UBASH3A: variants seen among roughly 807,000 people sequenced by gnomAD.
UBASH3A encodes the protein ubiquitin associated and SH3 domain containing A, also known as ubiquitin-associated and SH3 domain-containing protein A.
A neutral mutation model predicts 73.5 loss-of-function variants in UBASH3A; 63 were observed. That is an observed-to-expected ratio of 0.86 (90% CI 0.70 to 1.06). UBASH3A has a LOEUF of 1.06. Among genes scored for constraint, UBASH3A ranks in the 50% least tolerant of loss-of-function variants. UBASH3A has a pLI of 0.00. For missense variants in UBASH3A, 860 were observed against 859.0 expected (o/e 1.00, Z -0.02); for synonymous variants, 363 against 351.1 (o/e 1.03, Z -0.38).
At chr21:42,420,546 C>T (rs1480428171) in intron 7 of UBASH3A, among the ~76,000 whole-genome samples, 1 of 152,120 alleles carries the variant, frequency 6.6e-6, no homozygotes, top group Non-Finnish European at 1.5e-5. Flanking sequence ...TGTATACACA[C>T]ATCTATATTG....
chr21:42,429,762 G>C (rs959854474), intron 8 of UBASH3A, among the ~76,000 whole-genome samples: 1 of 152,180 alleles, frequency 6.6e-6, no homozygotes, highest in African/African-American at 2.4e-5. Flanking sequence ...CTGTTCCCCA[G>C]GAGATGCATG....
intron 7 of UBASH3A, among the ~76,000 whole-genome samples, chr21:42,424,386 G>A (rs1270454556): frequency 6.6e-6 from 1 of 152,210 alleles, no homozygotes; most frequent in East Asian, 1.9e-4. Flanking sequence ...GCCAGACGGT[G>A]CAGGGATTCT....
At chr21:42,429,166 G>C (rs2053488718) in intron 8 of UBASH3A, among the ~76,000 whole-genome samples, 1 of 152,212 alleles carries the variant, frequency 6.6e-6, no homozygotes, top group African/African-American at 2.4e-5. Flanking sequence ...GGGCCACCAG[G>C]AGCTGGAAGA....
rs754686036 is a variant in UBASH3A, at chr21:42,413,934, C to T, written c.667+411C>T. Among the ~76,000 whole-genome samples, 12 of 152,244 alleles carry T rather than the reference C, an allele frequency of 7.9e-5. No homozygotes were observed. Among genetic ancestry groups the T allele is most frequent in the Non-Finnish European group, 1.6e-4 (11 of 68,050 alleles). On this transcript the variant is annotated intron_variant, in intron 5 of 14. Transcript: ENST00000319294. This position sits in a 1 kb window ranked among gnomAD's most constrained non-coding sequence, Gnocchi z 4.5. Reference sequence around the variant, plus strand: ...GGGGTTTAGTGGAAAGGATTGTGGACTTGACGTCAGAAGATGTGATTTTTT... The same window carrying T: ...GGGGTTTAGTGGAAAGGATTGTGGATTTGACGTCAGAAGATGTGATTTTTT...
chr21:42,424,085 C>A (rs2053391990), intron 7 of UBASH3A, among the ~76,000 whole-genome samples: 1 of 152,146 alleles, frequency 6.6e-6, no homozygotes, highest in Admixed American at 6.5e-5. Context: ...TGGGGTCAGA[C>A]AGCAATGTCC....
At chr21:42,430,776 C>T (rs983390322) in intron 8 of UBASH3A, among the ~76,000 whole-genome samples, 3 of 152,216 alleles carry the variant, frequency 2.0e-5, no homozygotes, top group Non-Finnish European at 4.4e-5. Context: ...CTTCATGGAC[C>T]AGCATGTGAC....
chr21:42,413,060 C>T lies in UBASH3A; in HGVS notation c.391C>T (p.Leu131=). The change falls in exon 4 of 15, where the codon CTG becomes TTG. Residue 131 remains leucine, a synonymous_variant. Transcript: ENST00000319294. This position sits in a 1 kb window ranked among gnomAD's most constrained non-coding sequence, Gnocchi z 4.5. The stretch of plus-strand genomic sequence containing the variant: ...GAAGGTGGAATGCCTGTACGAGGCG[C>T]TGAAGAGAGCTGGAGACAGGCTCCT... ...DQKVECLYEA[L]KRAGDRLLGS... is the part of the protein sequence containing the mutation. 4 of 1,614,248 alleles carry T rather than the reference C, an allele frequency of 2.5e-6. No homozygotes were observed. Among genetic ancestry groups the T allele is most frequent in the Non-Finnish European group, 3.4e-6 (4 of 1,180,050 alleles).
In UBASH3A at chr21:42,403,951, A is replaced by T. The variant is rs2052912051; in HGVS notation, c.6A>T (p.Ala2=). The change falls in exon 1 of 15, where the codon GCA becomes GCT. Residue 2 remains alanine (A), a synonymous_variant. Coordinates refer to ENST00000319294, the MANE Select transcript of UBASH3A (RefSeq NM_018961.4). The stretch of plus-strand genomic sequence containing the variant: ...TGGCCTAAGGGCAGGAAGAGATGGC[A>T]GCGGGGGAGACGCAGCTCTACGCCA... The part of the protein sequence containing the change: M[A]AGETQLYAKV... 1.3e-6 allele frequency: 2 copies of T among 1,506,956 alleles called. No individual in the cohort carries two copies. Among genetic ancestry groups the T allele is most frequent in the Admixed American group, 2.1e-5 (1 of 47,814 alleles). 93.3% of individuals were successfully genotyped at this position (1,506,956 alleles called of 1,614,324 possible). A position where few individuals can be genotyped will look rare whatever the true frequency, so the allele number is the denominator to read the frequency against.
intron 3 of UBASH3A, chr21:42,410,371 T>C (rs1329989535): frequency 5.3e-6 from 3 of 570,400 alleles, no homozygotes; most frequent in Non-Finnish European, 9.3e-6. Flanking sequence ...ACTGATTTGT[T>C]CCACCCATTT....
chr21:42,434,735 C>T lies in UBASH3A; in HGVS notation c.1271-97C>T. The stretch of plus-strand genomic sequence containing the variant: ...CAGTTGACAATAATTTCAATAATAA[C>T]ATTGCTGTTAGAGTGGGTCTTGGTC... On this transcript the variant is annotated intron_variant, in intron 9 of 14. Transcript: ENST00000319294. 3.8e-6 allele frequency: 5 copies of T among 1,315,676 alleles called. 1 individual carries two copies. The highest frequency in any genetic ancestry group is 2.9e-5 in the South Asian group (2 of 69,268). The allele number at this position is 1,315,676 out of a possible 1,614,324, so 81.5% of individuals were successfully genotyped here.
At chr21:42,436,776 C>CA (rs754321490) in intron 10 of UBASH3A, among the ~76,000 whole-genome samples, 35 of 152,146 alleles carry the variant, frequency 2.3e-4, no homozygotes, top group Non-Finnish European at 4.3e-4. Context: ...TCCAGTATCA[C>CA]AGGGGGAAAG....
chr21:42,421,155 G>A (rs552618680), intron 7 of UBASH3A, among the ~76,000 whole-genome samples: 1 of 152,268 alleles, frequency 6.6e-6, no homozygotes, highest in Admixed American at 6.5e-5. Context: ...AGTGGAGAGA[G>A]CAGGCAGAGG....
rs370841920 is a variant in UBASH3A at position 42,447,614 on chromosome 21, A to T, written c.*420A>T. 4 of 156,604 alleles carry T rather than the reference A, an allele frequency of 2.6e-5. No individual in the cohort carries two copies. Among genetic ancestry groups the T allele is most frequent in the Admixed American group, 1.9e-4 (3 of 15,520 alleles). 9.7% of individuals were successfully genotyped at this position (156,604 alleles called of 1,614,324 possible). ...TTTCTGGGTCCATCACTCTTTAGCC[A>T]TATCCACATGGGCTAAAACAGGTGT... is the stretch of plus-strand genomic sequence containing the variant. On this transcript the variant is annotated 3_prime_UTR_variant, in exon 15 of 15. Transcript: ENST00000319294.
intron 10 of UBASH3A, among the ~76,000 whole-genome samples, chr21:42,436,578 C>T (rs868724926): frequency 2.6e-5 from 4 of 152,300 alleles, no homozygotes; most frequent in Middle Eastern, 3.4e-3. Flanking sequence ...TAACTTATCA[C>T]TCTGTAAAAA....
intron 11 of UBASH3A, among the ~76,000 whole-genome samples, chr21:42,438,411 G>A (rs2053665905): frequency 6.6e-6 from 1 of 152,200 alleles, no homozygotes; most frequent in South Asian, 2.1e-4. Context: ...GTCAGGCAGA[G>A]GGGCCCAGGA....
At chr21:42,405,091 C>CT (rs2052940756) in intron 1 of UBASH3A, among the ~76,000 whole-genome samples, 1 of 152,200 alleles carries the variant, frequency 6.6e-6, no homozygotes, top group Non-Finnish European at 1.5e-5. Flanking sequence ...TCCTTCCACA[C>CT]TATAACAAAA....
chr21:42,412,946 C>G (rs1348155004), intron 3 of UBASH3A, 78 bp from the exon 4 acceptor site: 1 of 1,210,582 alleles, frequency 8.3e-7, no homozygotes, highest in Non-Finnish European at 1.2e-6. Context: ...TAATTGCTGC[C>G]TGATTGTTAT....
Position 42,442,347 on chromosome 21 carries a change from G to T in UBASH3A, c.1487-105G>T, listed in dbSNP as rs1431147589. 3 of 1,171,084 alleles carry T rather than the reference G, an allele frequency of 2.6e-6. No individual in the cohort carries two copies. In the Admixed American group the frequency reaches 6.2e-5, roughly 24 times the overall value. The allele number at this position is 1,171,084 out of a possible 1,614,324, so 72.5% of individuals were successfully genotyped here. A position where few individuals can be genotyped will look rare whatever the true frequency, so the allele number is the denominator to read the frequency against. ...GAAAATCACACTGTTTAAAAGGCAT[G>T]ATTTAGACGTGTGTGTGACGGTCTG... On this transcript the variant is annotated intron_variant, in intron 11 of 14. Coordinates refer to ENST00000319294, the MANE Select transcript of UBASH3A (RefSeq NM_018961.4).
At chr21:42,427,408 C>A (rs1182847440) in intron 8 of UBASH3A, among the ~76,000 whole-genome samples, 3 of 152,308 alleles carry the variant, frequency 2.0e-5, no homozygotes, top group East Asian at 3.9e-4. Flanking sequence ...GGGGCTGTAC[C>A]TGCTGCTGGC....
Sources: allele counts gnomAD v4.1 joint callset (sites outside exome capture counted in the v4.1 genomes callset), GRCh38; gene constraint gnomAD v4.1.1; non-coding constraint Gnocchi (gnomAD v3.1); transcripts MANE v1.5; gene names NCBI Gene and HGNC (gene_info 2026-07-23, HGNC 2026-07-21).